Variants in CDK13 observed in about 807,000 individuals in gnomAD.
CDK13 encodes cyclin dependent kinase 13, also known as cyclin-dependent kinase 13.
A neutral mutation model predicts 137.6 loss-of-function variants in CDK13; 40 were observed. The ratio of observed to expected loss-of-function variants is 0.29; its 90% CI spans 0.23 to 0.38. The LOEUF (loss-of-function observed/expected upper bound fraction) is 0.38. CDK13 is among the 10% of genes least tolerant of loss of function. The probability of loss-of-function intolerance (pLI) is 1.00; values close to 1 mark genes in which losing one functional copy is unlikely to be tolerated. For synonymous variants in CDK13, 869 were observed against 760.1 expected, an observed-to-expected ratio of 1.14 and a Z score of -2.36; for missense variants, 1,704 against 1,951.8, an observed-to-expected ratio of 0.87 and a Z score of 2.39.
intron 12 of CDK13, among the ~76,000 whole-genome samples, chr7:40,089,203 G>T (rs188828712): frequency 6.6e-6 from 1 of 151,938 alleles, no homozygotes; most frequent in Non-Finnish European, 1.5e-5. Context: ...GGGAGGCCAC[G>T]ATGGGCAGAC....
rs1787031369 is a variant in CDK13 at position 40,095,621 on chromosome 7, A to T, written c.*641A>T. ...AAGCCTAGCAAAATGCATTTAAATG[A>T]AATAGTGGGTTTTATATGAAAACTA... On this transcript the variant is annotated 3_prime_UTR_variant, in exon 14 of 14. Transcript: ENST00000181839. 1 of 152,134 alleles carries T rather than the reference A, an allele frequency of 6.6e-6. No homozygotes were observed. The highest frequency in any genetic ancestry group is 2.1e-4 in the South Asian group (1 of 4,828). 9.4% of individuals were successfully genotyped at this position (152,134 alleles called of 1,614,324 possible). A position where few individuals can be genotyped will look rare whatever the true frequency, so the allele number is the denominator to read the frequency against.
chr7:40,075,080 A>AT (rs1786516459), intron 9 of CDK13, among the ~76,000 whole-genome samples: 1 of 152,170 alleles, frequency 6.6e-6, no homozygotes, highest in East Asian at 1.9e-4. Flanking sequence ...TTTGAGGAGA[A>AT]TAAGTAAAGA....
intron 2 of CDK13, 72 bp downstream of exon 2, chr7:39,988,330 C>A: frequency 8.6e-7 from 1 of 1,165,000 alleles, no homozygotes; most frequent in Non-Finnish European, 1.2e-6. Flanking sequence ...AATGAGTTGA[C>A]CTCCCCTAAC....
In CDK13 at chr7:40,097,478, G is replaced by A. The variant is rs1218583308; in HGVS notation, c.*2498G>A. 1 of 152,056 alleles carries A rather than the reference G, an allele frequency of 6.6e-6. No homozygotes were observed. Among genetic ancestry groups the A allele is most frequent in the African/African-American group, 2.4e-5 (1 of 41,420 alleles). 9.4% of individuals were successfully genotyped at this position (152,056 alleles called of 1,614,324 possible). ...ATAGCATTTAATATTTTAATTCAGT[G>A]AATTTGGATTAATAGAACAAAGTTG... On this transcript the variant is annotated 3_prime_UTR_variant, in exon 14 of 14. Transcript: ENST00000181839.
intron 1 of CDK13, among the ~76,000 whole-genome samples, chr7:39,970,296 C>G (rs937828967): frequency 6.6e-6 from 1 of 151,928 alleles, no homozygotes; most frequent in Non-Finnish European, 1.5e-5. Context: ...CCACTGTGTT[C>G]GGCCAGATTT....
rs140997659 is a variant in CDK13, at chr7:40,088,402, T to C, written c.3235+71T>C. ...GTTAATTCTGATCATATTGCTCTAATGTTAAAGCATCTTGTGGCTAACAAT... is the reference window on the plus strand; with the variant it reads ...GTTAATTCTGATCATATTGCTCTAACGTTAAAGCATCTTGTGGCTAACAAT... On this transcript the variant is annotated intron_variant, in intron 12 of 13. Coordinates refer to ENST00000181839, the MANE Select transcript of CDK13 (RefSeq NM_003718.5). 2.7e-4 allele frequency: 309 copies of C among 1,152,488 alleles called. 1 individual carries two copies. In the East Asian group the frequency reaches 7.3e-3, roughly 27 times the overall value. 71.4% of individuals were successfully genotyped at this position (1,152,488 alleles called of 1,614,324 possible).
chr7:40,010,100 T>G (rs1409740206), intron 5 of CDK13, among the ~76,000 whole-genome samples: 1 of 143,360 alleles, frequency 7.0e-6, no homozygotes. Context: ...TATCGTGTAC[T>G]TTATTTTTAT....
chr7:40,071,039 G>A (rs1484429288), intron 9 of CDK13: 1 of 152,058 alleles, frequency 6.6e-6, no homozygotes, highest in Non-Finnish European at 1.5e-5. Context: ...GGTTTACACA[G>A]GTGAAATTTT....
intron 5 of CDK13, among the ~76,000 whole-genome samples, chr7:40,024,459 C>T (rs548894310): frequency 6.6e-6 from 1 of 152,090 alleles, no homozygotes; most frequent in African/African-American, 2.4e-5. Flanking sequence ...AAAGTAATAA[C>T]AATTTCTCAG....
rs751536130 is a variant in CDK13, at chr7:40,047,881, A to G, written c.2600+4A>G. The G allele has an allele frequency of 3.8e-6, 6 of 1,586,054 alleles. No homozygotes were observed. In the East Asian group the frequency reaches 1.3e-4, roughly 36 times the overall value. ...GATTGTATAGCTCAGAAGAAAGGTA[A>G]GCATACCTTCAAATGAATATTGTAG... On this transcript the variant is annotated splice_donor_region_variant and intron_variant, in intron 7 of 13. Transcript: ENST00000181839.
chr7:40,060,348 C>T (rs1786114723), intron 7 of CDK13, among the ~76,000 whole-genome samples: 1 of 152,180 alleles, frequency 6.6e-6, no homozygotes, highest in African/African-American at 2.4e-5. Context: ...TAAATTTAAA[C>T]ATTTCCTTGA....
rs1010226781 is a variant in CDK13 at position 39,968,726 on chromosome 7, C to G, written c.1211+16874C>G. On this transcript the variant is annotated intron_variant, in intron 1 of 13. Transcript: ENST00000181839. ...ATAGCTTTGGAATAAACTTTGAAGT[C>G]AGGTAGTGGGATACCTCCAGCCTTG... Among the ~76,000 whole-genome samples the G allele has an allele frequency of 3.9e-5, 6 of 152,272 alleles. No individual in the cohort carries two copies. The East Asian group carries it at 9.6e-4, about 24-fold the overall frequency.
chr7:39,988,925 T>G (rs2062048792), intron 2 of CDK13, among the ~76,000 whole-genome samples: 1 of 151,266 alleles, frequency 6.6e-6, no homozygotes, highest in Admixed American at 6.6e-5. Context: ...CTACTAAAAA[T>G]ACAAAAAACT....
chr7:39,951,403 C>A lies in CDK13; in HGVS notation c.762C>A (p.Ser254Arg), dbSNP rs2116063630. ...EVAKSGSSSS[S>R]GGRRKSASAT... ...CCAAGAGCGGCAGCAGCAGCAGCAG[C>A]GGCGGCCGCCGGAAAAGCGCTTCGG... Residue 254 changes from serine to arginine, a missense_variant, in exon 1 of 14, where the codon AGC becomes AGA. This residue lies in a region of CDK13 where 1,051 missense variants were observed against 931.0 expected (regional missense o/e 1.13). Transcript: ENST00000181839. The A allele has an allele frequency of 6.6e-7, 1 of 1,524,126 alleles. No homozygotes were observed. 94.4% of individuals were successfully genotyped at this position (1,524,126 alleles called of 1,614,324 possible).
At chr7:40,091,162 G>A (rs931440707) in intron 12 of CDK13, among the ~76,000 whole-genome samples, 2 of 151,952 alleles carry the variant, frequency 1.3e-5, no homozygotes, top group Admixed American at 6.6e-5. Flanking sequence ...TGGCTAACAC[G>A]GTGAAATCCC....
At chr7:39,964,911 A>C (rs1377059508) in intron 1 of CDK13, among the ~76,000 whole-genome samples, 1 of 152,116 alleles carries the variant, frequency 6.6e-6, no homozygotes, top group Non-Finnish European at 1.5e-5. Flanking sequence ...CAGGTTGTTC[A>C]GTTTCCATGT....
rs1239574915 is a variant in CDK13 at position 39,950,812 on chromosome 7, T to A, written c.171T>A (p.Pro57=). The part of the protein sequence containing the change: ...QLLQPPPPPP[P]LLFLAAPGTA... ...TGCAACCGCCGCCGCCCCCGCCGCC[T>A]CTGCTCTTCCTGGCTGCTCCCGGCA... is the stretch of plus-strand genomic sequence containing the variant. Residue 57 remains proline (P), a synonymous_variant, in exon 1 of 14, where the codon CCT becomes CCA. Coordinates refer to ENST00000181839, the MANE Select transcript of CDK13 (RefSeq NM_003718.5). The A allele has an allele frequency of 2.1e-6, 3 of 1,453,550 alleles. No homozygotes were observed. Among genetic ancestry groups the A allele is most frequent in the Non-Finnish European group, 2.7e-6 (3 of 1,110,650 alleles). The allele number at this position is 1,453,550 out of a possible 1,614,324, so 90.0% of individuals were successfully genotyped here.
intron 9 of CDK13, among the ~76,000 whole-genome samples, chr7:40,063,834 T>C (rs1428442647): frequency 1.3e-5 from 2 of 151,884 alleles, no homozygotes; most frequent in African/African-American, 4.8e-5. Context: ...ATTTTTGTAT[T>C]TGTAGCAGAG....
At chr7:39,978,800 A>G (rs1024246066) in intron 1 of CDK13, among the ~76,000 whole-genome samples, 1 of 152,198 alleles carries the variant, frequency 6.6e-6, no homozygotes, top group African/African-American at 2.4e-5. Context: ...ACTACACTCT[A>G]AGAAGTAAGG....
Sources: gnomAD v4.1 joint callset for allele counts (sites outside exome capture counted in the v4.1 genomes callset) on GRCh38, gnomAD v4.1.1 for gene constraint, gnomAD v4.1.1 regional missense constraint, MANE v1.5 for transcripts, NCBI Gene and HGNC (gene_info 2026-07-23, HGNC 2026-07-21) for gene names.